Variants in ZNF512 observed in about 807,000 individuals in gnomAD.
The protein encoded by ZNF512 is zinc finger protein 512.
In ZNF512, 25 loss-of-function variants were observed where a neutral mutation model predicts 77.5. The ratio of observed to expected loss-of-function variants is 0.32; its 90% confidence interval spans 0.23 to 0.45. ZNF512 has a LOEUF of 0.45. Among genes scored for constraint, ZNF512 ranks in the 20% least tolerant of loss-of-function variants. ZNF512 has a pLI of 1.00. For synonymous variants in ZNF512, 246 were observed against 239.9 expected, an observed-to-expected ratio of 1.03 and a Z score of -0.24; for missense variants, 483 against 692.6, an observed-to-expected ratio of 0.70 and a Z score of 3.40.
At chr2:27,617,602 A>G (rs758257615) in intron 13 of ZNF512, 31 bp downstream of exon 13, 2 of 830,104 alleles carry the variant, frequency 2.4e-6, no homozygotes, top group African/African-American at 1.7e-5. Context: ...TGGGCCTGAT[A>G]TGTAAGCCAC....
At chr2:27,607,371 C>CTTTTT (rs1194932049) in intron 9 of ZNF512, among the ~76,000 whole-genome samples, 2 of 141,106 alleles carry the variant, frequency 1.4e-5, no homozygotes, top group Non-Finnish European at 3.1e-5. Context: ...ACTAAGAGGC[C>CTTTTT]TTTTTTTTTT....
intron 2 of ZNF512, among the ~76,000 whole-genome samples, chr2:27,590,832 T>C (rs1671536115): frequency 6.6e-6 from 1 of 152,176 alleles, no homozygotes; most frequent in Admixed American, 6.5e-5. Flanking sequence ...ACCATTTCTG[T>C]TGCTCTTTCT....
chr2:27,589,667 C>T (rs1393343677), intron 2 of ZNF512, among the ~76,000 whole-genome samples: 2 of 152,006 alleles, frequency 1.3e-5, no homozygotes, highest in East Asian at 3.8e-4. Flanking sequence ...GATTTTAGAT[C>T]GTTTCTAGTA....
At chr2:27,619,538 C>T (rs1673034175) in intron 13 of ZNF512, among the ~76,000 whole-genome samples, 1 of 152,098 alleles carries the variant, frequency 6.6e-6, no homozygotes, top group African/African-American at 2.4e-5. Flanking sequence ...TGCTCCCAGG[C>T]ATTTGTTTAT....
chr2:27,606,135 G>A (rs185485837), intron 9 of ZNF512, among the ~76,000 whole-genome samples: 3 of 152,162 alleles, frequency 2.0e-5, no homozygotes, highest in Admixed American at 2.0e-4. Flanking sequence ...TGAAGTGTCT[G>A]TTCAAATCCT....
At chr2:27,614,801 C>CCT (rs1236917622) in intron 10 of ZNF512, among the ~76,000 whole-genome samples, 11 of 148,234 alleles carry the variant, frequency 7.4e-5, no homozygotes, top group Non-Finnish European at 1.7e-4. Flanking sequence ...AATTTGTATC[C>CCT]CTCTCTTTTT....
intron 2 of ZNF512, among the ~76,000 whole-genome samples, chr2:27,596,778 T>C (rs114851137): frequency 0.011 from 1,723 of 152,356 alleles, 12 homozygotes; most frequent in Non-Finnish European, 0.017. Context: ...AAACTCATTC[T>C]TCCCTATTTG....
intron 9 of ZNF512, 107 bp from the exon 10 acceptor site, chr2:27,607,738 A>T: frequency 9.5e-7 from 1 of 1,049,312 alleles, no homozygotes; most frequent in Non-Finnish European, 1.4e-6. Flanking sequence ...TTAGCAATCT[A>T]CTACATAGCT....
chr2:27,594,803 G>A (rs878922438), intron 2 of ZNF512, among the ~76,000 whole-genome samples: 1 of 152,124 alleles, frequency 6.6e-6, no homozygotes, highest in Non-Finnish European at 1.5e-5. Context: ...AGGTTGTAGC[G>A]AGCCGAGATC....
chr2:27,598,151 A>C lies in ZNF512; in HGVS notation c.174A>C (p.Ala58=), dbSNP rs550135783. Residue 58 remains alanine (A), a synonymous_variant, in exon 3 of 14, where the codon GCA becomes GCC. Transcript: ENST00000355467. ...ACTCCTTAAGTGGTTCATCGTCTGCATCTTCGTGTGAACCAGTGAGTGATT... is the reference window on the plus strand; with the variant it reads ...ACTCCTTAAGTGGTTCATCGTCTGCCTCTTCGTGTGAACCAGTGAGTGATT... ...HDDSLSGSSS[A]SSCEPVSDFP... is the part of the protein sequence containing the mutation. 1.2e-6 allele frequency: 2 copies of C among 1,614,038 alleles called. No individual in the cohort carries two copies.
chr2:27,599,574 G>C lies in ZNF512; in HGVS notation c.278-9G>C. On this transcript the variant is annotated splice_polypyrimidine_tract_variant and intron_variant, in intron 3 of 13. Coordinates refer to ENST00000355467, the MANE Select transcript of ZNF512 (RefSeq NM_032434.4). ...TGAGTTTTTGTTTTGTTTTTGTATG[G>C]TACTTCAGGGTCAGGTGGAGTATCA... The C allele has an allele frequency of 6.2e-7, 1 of 1,611,444 alleles. No homozygotes were observed. Among genetic ancestry groups the C allele is most frequent in the Non-Finnish European group, 8.5e-7 (1 of 1,177,764 alleles).
At chr2:27,620,587 A>G (rs886480532) in intron 13 of ZNF512, among the ~76,000 whole-genome samples, 5 of 152,144 alleles carry the variant, frequency 3.3e-5, no homozygotes, top group African/African-American at 4.8e-5. Context: ...GGCTTTTCCT[A>G]TGAATTGGTA....
chr2:27,587,905 C>T (rs1671408909), intron 2 of ZNF512, among the ~76,000 whole-genome samples: 2 of 152,040 alleles, frequency 1.3e-5, no homozygotes, highest in Admixed American at 1.3e-4. Flanking sequence ...GTCTCGAACT[C>T]CCAACCTCAG....
intron 8 of ZNF512, among the ~76,000 whole-genome samples, chr2:27,602,819 C>G (rs567470978): frequency 2.0e-4 from 30 of 151,972 alleles, no homozygotes; most frequent in African/African-American, 2.7e-4. Context: ...CCTCACTGTG[C>G]TGGACTTTGG....
chr2:27,601,137 T>A (rs981984961), intron 6 of ZNF512, among the ~76,000 whole-genome samples: 1 of 152,232 alleles, frequency 6.6e-6, no homozygotes, highest in Non-Finnish European at 1.5e-5. Context: ...GCCCATTACT[T>A]GGCAAATATT....
At position 27,583,084 on chromosome 2, in the gene ZNF512, G is replaced by A. The variant is rs1019012312; in HGVS notation, c.-29G>A. On this transcript the variant is annotated 5_prime_UTR_variant, in exon 1 of 14. In the 5' UTR this introduces an upstream ATG that the reference lacks. Transcript: ENST00000355467. Reference sequence around the variant, plus strand: ...GCGTTGGTCTGGCCGGAGCCCTTGGGTGAAATTGTTAGGCGTGGAGAGGGA... The same window carrying A: ...GCGTTGGTCTGGCCGGAGCCCTTGGATGAAATTGTTAGGCGTGGAGAGGGA... 7 of 1,614,144 alleles carry A rather than the reference G, an allele frequency of 4.3e-6. No individual in the cohort carries two copies. The highest frequency in any genetic ancestry group is 5.9e-6 in the Non-Finnish European group (7 of 1,180,004).
At chr2:27,600,570 A>G in intron 5 of ZNF512, 121 bp from the exon 6 acceptor site, 8 of 1,172,770 alleles carry the variant, frequency 6.8e-6, no homozygotes, top group Non-Finnish European at 9.6e-6. Flanking sequence ...GAGCCTCTTC[A>G]TCGCAGTCTA....
rs924280469 is a variant in ZNF512 at position 27,586,659 on chromosome 2, A to G, written c.89+2943A>G. On this transcript the variant is annotated intron_variant, in intron 2 of 13. Coordinates refer to ENST00000355467, the MANE Select transcript of ZNF512 (RefSeq NM_032434.4). Reference sequence around the variant, plus strand: ...AATAGACTGCACATATTTAAAGCGTACACTATGGTCAGCTTTGACGTATGT... The same window carrying G: ...AATAGACTGCACATATTTAAAGCGTGCACTATGGTCAGCTTTGACGTATGT... Among the ~76,000 whole-genome samples the G allele has an allele frequency of 7.2e-5, 11 of 152,316 alleles. No homozygotes were observed. The East Asian group carries it at 1.9e-3, about 27-fold the overall frequency.
chr2:27,600,923 A>G (rs1055212931), intron 6 of ZNF512, 108 bp downstream of exon 6: 1 of 1,366,686 alleles, frequency 7.3e-7, no homozygotes, highest in Non-Finnish European at 9.8e-7. Context: ...GCAGCATTGT[A>G]TAATAAAGGA....
Sources: gnomAD v4.1 joint callset for allele counts (sites outside exome capture counted in the v4.1 genomes callset) on GRCh38, gnomAD v4.1.1 for gene constraint, MANE v1.5 for transcripts, NCBI Gene and HGNC (gene_info 2026-07-23, HGNC 2026-07-21) for gene names.